DENND5B: variants seen among roughly 807,000 people sequenced by gnomAD.
DENND5B encodes DENN domain-containing protein 5B.
In DENND5B, 34 loss-of-function variants were observed where a neutral mutation model predicts 140.6. The ratio of observed to expected loss-of-function variants is 0.24; its 90% CI spans 0.18 to 0.32. The LOEUF (loss-of-function observed/expected upper bound fraction) is 0.32. Among genes scored for constraint, DENND5B ranks in the 10% least tolerant of loss-of-function variants. The pLI is 1.00. For missense variants in DENND5B, 1,142 were observed against 1,560.2 expected, an observed-to-expected ratio of 0.73 and a Z score of 4.52; for synonymous variants, 551 against 562.1, an observed-to-expected ratio of 0.98 and a Z score of 0.28.
intron 4 of DENND5B, among the ~76,000 whole-genome samples, chr12:31,459,554 CTGGGATTACAAGCGCTTG>C (rs1944924237): frequency 6.6e-6 from 1 of 152,006 alleles, no homozygotes; most frequent in East Asian, 1.9e-4. Context: ...TCCCAAAGTG[CTGGGATTACAAGCGCTTG>C]TAATCCCACC....
At chr12:31,429,300 C>T (rs1943402630) in intron 8 of DENND5B, among the ~76,000 whole-genome samples, 1 of 152,214 alleles carries the variant, frequency 6.6e-6, no homozygotes, top group Admixed American at 6.5e-5. Flanking sequence ...AGCCACCCTG[C>T]CCAGCGAGTT....
At chr12:31,579,772 A>G (rs1950153731) in intron 1 of DENND5B, among the ~76,000 whole-genome samples, 1 of 122,588 alleles carries the variant, frequency 8.2e-6, no homozygotes, top group African/African-American at 3.0e-5. Context: ...GAAGGGAGGA[A>G]GGAAGGAAGG....
chr12:31,427,605 C>CAA (rs71062431), intron 8 of DENND5B, among the ~76,000 whole-genome samples: 161 of 140,084 alleles, frequency 1.1e-3, no homozygotes, highest in Middle Eastern at 7.5e-3. Context: ...GACTCCATCT[C>CAA]AAAAAAAAAA....
chr12:31,485,182 C>A (rs793172), intron 2 of DENND5B, among the ~76,000 whole-genome samples: 11,845 of 152,190 alleles, frequency 0.078, 1,054 homozygotes, highest in African/African-American at 0.22. Flanking sequence ...GGGCCCAATT[C>A]TTTTCCACAA....
chr12:31,382,650 T>C lies in DENND5B; in HGVS notation c.*4953A>G, dbSNP rs193299739. On this transcript the variant is annotated 3_prime_UTR_variant, in exon 21 of 21. Transcript: ENST00000389082. ...ACATTCAGGTAAATTAGAACAAATA[T>C]GATTCCCTCCTACATAACCCAAGGA... 1 of 152,114 alleles carries C rather than the reference T, an allele frequency of 6.6e-6. No individual in the cohort carries two copies. The highest frequency in any genetic ancestry group is 1.9e-4 in the East Asian group (1 of 5,182). 9.4% of individuals were successfully genotyped at this position (152,114 alleles called of 1,614,324 possible).
chr12:31,480,038 G>C lies in DENND5B; in HGVS notation c.455C>G (p.Ser152Cys). 6.2e-7 allele frequency: 1 copy of C among 1,613,922 alleles called. No homozygotes were observed. The highest frequency in any genetic ancestry group is 8.5e-7 in the Non-Finnish European group (1 of 1,179,810). The change falls in exon 3 of 21, where the codon TCC (serine) becomes TGC (cysteine). Residue 152 changes from serine (S) to cysteine (C), a missense_variant. Ser to Cys is a moderately radical substitution (Grantham distance 112). Transcript: ENST00000389082. ...EHYSSVYASS[S>C]CSMDSLASSL... ...ACTTGCCAATGAGTCCATACTGCAG[G>C]AAGATGAAGCATACACACTGCTGTA...
At chr12:31,587,526 C>CTTTTTTTTTTTTTTT (rs71460995) in intron 1 of DENND5B, among the ~76,000 whole-genome samples, 1 of 75,038 alleles carries the variant, frequency 1.3e-5, no homozygotes, top group African/African-American at 4.8e-5. Flanking sequence ...CCACAAATAC[C>CTTTTTTTTTTTTTTT]TTTTTTTTTT....
intron 1 of DENND5B, among the ~76,000 whole-genome samples, chr12:31,508,278 T>C (rs751463971): frequency 1.3e-5 from 2 of 152,174 alleles, no homozygotes; most frequent in Non-Finnish European, 2.9e-5. Context: ...TTGCTGCCAA[T>C]ACATACTATC....
At chr12:31,556,203 C>T (rs764281131) in intron 1 of DENND5B, among the ~76,000 whole-genome samples, 15 of 152,036 alleles carry the variant, frequency 9.9e-5, no homozygotes, top group Non-Finnish European at 1.6e-4. Flanking sequence ...TGGCTCCTCC[C>T]CCCTTTTTTT....
At chr12:31,419,832 G>A (rs1331912036) in intron 11 of DENND5B, among the ~76,000 whole-genome samples, 1 of 151,906 alleles carries the variant, frequency 6.6e-6, no homozygotes, top group Non-Finnish European at 1.5e-5. Flanking sequence ...AATTCACCAG[G>A]TGTGGTGGCA....
chr12:31,403,897 CAAAA>C (rs751708684), intron 14 of DENND5B, among the ~76,000 whole-genome samples: 20 of 36,364 alleles, frequency 5.5e-4, no homozygotes, highest in African/African-American at 1.3e-3. Flanking sequence ...ACTCCATCTC[CAAAA>C]AAAAAAAAAA....
At chr12:31,479,060 C>T (rs1378724363) in intron 3 of DENND5B, among the ~76,000 whole-genome samples, 1 of 152,166 alleles carries the variant, frequency 6.6e-6, no homozygotes, top group East Asian at 1.9e-4. Context: ...AGTCATCTGT[C>T]TCATGCCTGC....
chr12:31,516,198 T>C (rs1947636254), intron 1 of DENND5B, among the ~76,000 whole-genome samples: 1 of 152,110 alleles, frequency 6.6e-6, no homozygotes, highest in African/African-American at 2.4e-5. Flanking sequence ...AAATTAAGCA[T>C]GGGTGGGCAC....
intron 2 of DENND5B, among the ~76,000 whole-genome samples, chr12:31,494,181 T>TATCCATCC (rs140870680): frequency 1.5e-4 from 13 of 85,700 alleles, no homozygotes; most frequent in African/African-American, 5.5e-4. Flanking sequence ...TCTATCTATC[T>TATCCATCC]ATCCATCCAT....
chr12:31,494,199 T>A (rs3950503), intron 2 of DENND5B, among the ~76,000 whole-genome samples: 1 of 107,340 alleles, frequency 9.3e-6, no homozygotes, highest in African/African-American at 3.6e-5. Flanking sequence ...CATCCATCCA[T>A]CCACCTACCT....
In DENND5B at chr12:31,415,393, G is replaced by C; in HGVS notation, c.2526C>G (p.Leu842=). Residue 842 remains leucine, a synonymous_variant, in exon 12 of 21, where the codon CTC becomes CTG. Coordinates refer to ENST00000389082, the MANE Select transcript of DENND5B (RefSeq NM_144973.4). ...KSDSGVMLPT[L]RVSLIQDMRH... is the part of the protein sequence containing the mutation. Reference sequence around the variant, plus strand: ...TCATGTCCTGAATAAGAGAGACCCTGAGCGTTGGCAACATAACTCCTGAGT... The same window carrying C: ...TCATGTCCTGAATAAGAGAGACCCTCAGCGTTGGCAACATAACTCCTGAGT... The C allele has an allele frequency of 6.2e-7, 1 of 1,610,536 alleles. No individual in the cohort carries two copies. The highest frequency in any genetic ancestry group is 8.5e-7 in the Non-Finnish European group (1 of 1,178,226).
intron 14 of DENND5B, among the ~76,000 whole-genome samples, chr12:31,402,941 A>G (rs1178547117): frequency 6.6e-6 from 1 of 152,218 alleles, no homozygotes; most frequent in African/African-American, 2.4e-5. Context: ...TAGCACGAGA[A>G]TACCTAAAGA....
intron 7 of DENND5B, among the ~76,000 whole-genome samples, chr12:31,442,361 A>C (rs1306617993): frequency 6.6e-6 from 1 of 152,164 alleles, no homozygotes; most frequent in Non-Finnish European, 1.5e-5. Flanking sequence ...TCTACCCCCC[A>C]AAACTGTGGA....
rs1394067135 is a variant in DENND5B at position 31,382,414 on chromosome 12, A to G, written c.*5189T>C. On this transcript the variant is annotated 3_prime_UTR_variant, in exon 21 of 21. Coordinates refer to ENST00000389082, the MANE Select transcript of DENND5B (RefSeq NM_144973.4). ...AAATCCAGTTCTGATGCATTTTGCT[A>G]ACAATACAAAGAAAAACAATATAAT... 1 of 152,194 alleles carries G rather than the reference A, an allele frequency of 6.6e-6. No homozygotes were observed. Among genetic ancestry groups the G allele is most frequent in the African/African-American group, 2.4e-5 (1 of 41,454 alleles). The allele number at this position is 152,194 out of a possible 1,614,324, so 9.4% of individuals were successfully genotyped here.
Sources: allele counts gnomAD v4.1 joint callset (sites outside exome capture counted in the v4.1 genomes callset), GRCh38; gene constraint gnomAD v4.1.1; transcripts MANE v1.5; gene names NCBI Gene and HGNC (gene_info 2026-07-23, HGNC 2026-07-21).